Variants in LRGUK observed in about 807,000 individuals in gnomAD.
LRGUK encodes leucine-rich repeat and guanylate kinase domain-containing protein.
Under a neutral mutation model 76.0 loss-of-function variants are expected in LRGUK, and 65 were observed. The ratio of observed to expected loss-of-function variants is 0.85; its 90% CI spans 0.70 to 1.05. The LOEUF is 1.05. LRGUK is among the 50% of genes least tolerant of loss of function. LRGUK has a pLI of 0.00. For missense variants in LRGUK, 758 were observed against 732.8 expected (o/e 1.03, Z -0.40); for synonymous variants, 268 against 265.6 (o/e 1.01, Z -0.09).
At chr7:134,215,279 A>G (rs1010519455) in intron 15 of LRGUK, among the ~76,000 whole-genome samples, 1 of 151,646 alleles carries the variant, frequency 6.6e-6, no homozygotes, top group Admixed American at 6.6e-5. Context: ...GATATTTTCT[A>G]TGGCGCTGAA....
chr7:134,201,506 A>C lies in LRGUK; in HGVS notation c.1773A>C (p.Lys591Asn), dbSNP rs778765350. The change falls in exon 15 of 16, where the codon AAA becomes AAC. Residue 591 changes from lysine to asparagine, a missense_variant. Coordinates refer to ENST00000645682, the Ensembl canonical transcript of LRGUK. ...ATGATCTGGATGTTGCCTACCAAAA[A>C]CTGAGTCAGCTCATTAGAGAATACC... 2.4e-5 allele frequency: 39 copies of C among 1,613,980 alleles called. No individual in the cohort carries two copies. The South Asian group carries it at 4.3e-4, about 18-fold the overall frequency.
At chr7:134,142,670 C>G (rs1797813954) in intron 3 of LRGUK, among the ~76,000 whole-genome samples, 1 of 152,154 alleles carries the variant, frequency 6.6e-6, no homozygotes. Flanking sequence ...TATTTAGGGG[C>G]TAATTATCAA....
Position 134,221,961 on chromosome 7 carries a change from T to TGGGG in LRGUK, c.1983+43_1983+44insGGGG, listed in dbSNP as rs751553494. ...GGGGTGAAGCCACAACTGAGCTCTA[T>TGGGG]ACAATGTCAGACAAAGAGGGGATTT... On this transcript the variant is annotated intron_variant, in intron 16 of 19. Coordinates refer to the LRGUK transcript ENST00000285928. 1.5e-4 allele frequency: 218 copies of TGGGG among 1,474,282 alleles called. No individual in the cohort carries two copies. In the Admixed American group the frequency reaches 1.7e-3, roughly 11 times the overall value. 91.3% of individuals were successfully genotyped at this position (1,474,282 alleles called of 1,614,324 possible). A position where few individuals can be genotyped will look rare whatever the true frequency, so the allele number is the denominator to read the frequency against.
intron 10 of LRGUK, 88 bp downstream of exon 10, chr7:134,178,697 C>T (rs1799594407): frequency 5.5e-6 from 5 of 910,398 alleles, no homozygotes; most frequent in Non-Finnish European, 1.6e-6. Flanking sequence ...TTTTGTGACC[C>T]CTTTATTTCC....
chr7:134,254,810 T>A (rs558253634), intron 18 of LRGUK, among the ~76,000 whole-genome samples: 1 of 152,260 alleles, frequency 6.6e-6, no homozygotes, highest in East Asian at 1.9e-4. Context: ...AATGGTCAAA[T>A]AAAGCATGAA....
At chr7:134,136,890 G>T in intron 1 of LRGUK, 133 bp from the exon 2 acceptor site, 1 of 642,988 alleles carries the variant, frequency 1.6e-6, no homozygotes, top group Non-Finnish European at 2.7e-6. Flanking sequence ...GAATTTTTTT[G>T]GGGGTTGGTA....
chr7:134,137,807 C>T (rs1267425802), intron 2 of LRGUK, among the ~76,000 whole-genome samples: 2 of 151,426 alleles, frequency 1.3e-5, no homozygotes. Context: ...TATTGTAAAG[C>T]ATTAAATATT....
chr7:134,209,979 A>G, exon 16 of LRGUK: 2 of 399,454 alleles, frequency 5.0e-6, no homozygotes, highest in Non-Finnish European at 8.8e-6. Context: ...AGGCCTGCAA[A>G]GGAAAGGAAA....
At chr7:134,227,748 G>A (rs1801798695) in intron 16 of LRGUK, among the ~76,000 whole-genome samples, 1 of 151,944 alleles carries the variant, frequency 6.6e-6, no homozygotes, top group Admixed American at 6.5e-5. Flanking sequence ...AAACCTGGGG[G>A]GAAACAGTAA....
intron 5 of LRGUK, among the ~76,000 whole-genome samples, chr7:134,157,261 G>A (rs112639878): frequency 2.6e-5 from 4 of 152,170 alleles, no homozygotes; most frequent in Admixed American, 2.6e-4. Flanking sequence ...CTCTAACAGG[G>A]TATTGGTCTT....
exon 19 of LRGUK, chr7:134,258,308 G>C: frequency 6.2e-7 from 1 of 1,614,074 alleles, no homozygotes; most frequent in Non-Finnish European, 8.5e-7. Flanking sequence ...GGTTCTGTCC[G>C]TGGTCAAAAG....
intron 7 of LRGUK, among the ~76,000 whole-genome samples, chr7:134,174,317 C>G (rs1799391449): frequency 6.6e-6 from 1 of 152,068 alleles, no homozygotes; most frequent in South Asian, 2.1e-4. Context: ...AGGAAACTTA[C>G]TGTTCCCTAG....
At chr7:134,216,899 A>G (rs998910994) in intron 15 of LRGUK, among the ~76,000 whole-genome samples, 3 of 152,182 alleles carry the variant, frequency 2.0e-5, no homozygotes, top group African/African-American at 7.2e-5. Flanking sequence ...TTAGCAAGCA[A>G]AGATCATGCT....
chr7:134,258,247 A>G lies in LRGUK; in HGVS notation c.2199-10A>G. 1 of 1,613,536 alleles carries G rather than the reference A, an allele frequency of 6.2e-7. No individual in the cohort carries two copies. Among genetic ancestry groups the G allele is most frequent in the Non-Finnish European group, 8.5e-7 (1 of 1,179,762 alleles). Reference sequence around the variant, plus strand: ...ATCTCAAAAAGATCTTTGGTTTTTCATTTTTTCAGTGGGAAGGATTCCTTG... The same window carrying G: ...ATCTCAAAAAGATCTTTGGTTTTTCGTTTTTTCAGTGGGAAGGATTCCTTG... On this transcript the variant is annotated splice_polypyrimidine_tract_variant and intron_variant, in intron 18 of 19. Transcript: ENST00000285928.
chr7:134,191,884 G>GTTT, intron 12 of LRGUK, 133 bp downstream of exon 12: 17 of 449,514 alleles, frequency 3.8e-5, no homozygotes, highest in East Asian at 7.8e-5. Context: ...TTTTTATGGG[G>GTTT]TTTTTTTTTT....
At chr7:134,166,379 A>G (rs918994760) in intron 7 of LRGUK, among the ~76,000 whole-genome samples, 11 of 152,066 alleles carry the variant, frequency 7.2e-5, no homozygotes, top group African/African-American at 2.4e-4. Flanking sequence ...GTTAGATTTT[A>G]TATCATTTCC....
At chr7:134,136,892 G>T in intron 1 of LRGUK, 131 bp from the exon 2 acceptor site, 3 of 654,406 alleles carry the variant, frequency 4.6e-6, no homozygotes, top group Non-Finnish European at 7.9e-6. Context: ...ATTTTTTTGG[G>T]GGTTGGTAAA....
chr7:134,264,203 G>GT (rs921193567), exon 20 of LRGUK: 4 of 382,038 alleles, frequency 1.0e-5, no homozygotes, highest in African/African-American at 2.1e-5. Context: ...AAAGATGTGA[G>GT]TTTTTTTAAT....
intron 15 of LRGUK, among the ~76,000 whole-genome samples, chr7:134,215,356 G>T (rs1302526722): frequency 1.3e-5 from 2 of 152,116 alleles, no homozygotes; most frequent in Non-Finnish European, 2.9e-5. Context: ...GCAACCTGCA[G>T]TTTGGAAAAC....
Sources: allele counts gnomAD v4.1 joint callset (sites outside exome capture counted in the v4.1 genomes callset), GRCh38; gene constraint gnomAD v4.1.1; transcripts MANE v1.5; gene names NCBI Gene and HGNC (gene_info 2026-07-23, HGNC 2026-07-21).